Variants in SNTG2 observed in about 807,000 individuals in gnomAD.
SNTG2 encodes gamma-2-syntrophin.
SNTG2 carries 74 observed loss-of-function variants against 70.9 expected under a neutral mutation model. That is an observed-to-expected ratio of 1.04 (90% CI 0.86 to 1.27). The LOEUF (loss-of-function observed/expected upper bound fraction) is 1.27. SNTG2 is among the 50% of genes most tolerant of loss of function. The pLI is 0.00. For synonymous variants in SNTG2, 278 were observed against 273.8 expected (o/e 1.02, Z -0.15); for missense variants, 717 against 690.7 (o/e 1.04, Z -0.43).
intron 14 of SNTG2, among the ~76,000 whole-genome samples, chr2:1,270,477 T>C (rs1678962306): frequency 6.6e-6 from 1 of 152,226 alleles, no homozygotes. Flanking sequence ...TCTTTTCCCT[T>C]TTATTTTACA....
chr2:1,290,835 T>C (rs991156961), intron 14 of SNTG2, among the ~76,000 whole-genome samples: 2 of 152,230 alleles, frequency 1.3e-5, no homozygotes, highest in African/African-American at 4.8e-5. Flanking sequence ...GTCTCTGCTT[T>C]CAGTTATTCT....
chr2:1,280,844 T>C (rs1272651516), intron 14 of SNTG2, among the ~76,000 whole-genome samples: 3 of 152,266 alleles, frequency 2.0e-5, no homozygotes, highest in Non-Finnish European at 2.9e-5. Context: ...ATTGTGTAAT[T>C]ATAGAAACTT....
At chr2:1,286,381 T>A (rs560825665) in intron 14 of SNTG2, among the ~76,000 whole-genome samples, 1 of 152,318 alleles carries the variant, frequency 6.6e-6, no homozygotes, top group South Asian at 2.1e-4. Context: ...TATTGTCACC[T>A]AGTTGGCATT....
At chr2:1,224,009 G>A (rs1675575164) in intron 9 of SNTG2, among the ~76,000 whole-genome samples, 1 of 150,334 alleles carries the variant, frequency 6.7e-6, no homozygotes, top group Admixed American at 6.6e-5. Flanking sequence ...AGGGTCAGGT[G>A]GTCAGTCTGG....
chr2:993,326 C>G (rs1661567707), intron 1 of SNTG2, among the ~76,000 whole-genome samples: 1 of 148,134 alleles, frequency 6.8e-6, no homozygotes, highest in Non-Finnish European at 1.5e-5. Flanking sequence ...ATTTCAAGTT[C>G]CATGCACATT....
At chr2:1,084,151 C>T (rs956572264) in intron 2 of SNTG2, among the ~76,000 whole-genome samples, 3 of 152,202 alleles carry the variant, frequency 2.0e-5, no homozygotes, top group African/African-American at 4.8e-5. Flanking sequence ...TCCATTCCTA[C>T]GTTCTAGGCT....
chr2:1,296,691 C>G (rs1270641015), intron 14 of SNTG2, among the ~76,000 whole-genome samples: 1 of 152,240 alleles, frequency 6.6e-6, no homozygotes, highest in African/African-American at 2.4e-5. Flanking sequence ...ATGACAGTCC[C>G]TGAGCAGCTC....
chr2:1,249,515 C>A (rs1020623966), intron 12 of SNTG2, among the ~76,000 whole-genome samples: 2 of 152,190 alleles, frequency 1.3e-5, no homozygotes, highest in Non-Finnish European at 2.9e-5. Flanking sequence ...AGGGAGTATA[C>A]TCTCTCTGGT....
chr2:1,288,620 C>T (rs1281144931), intron 14 of SNTG2, among the ~76,000 whole-genome samples: 1 of 151,188 alleles, frequency 6.6e-6, no homozygotes, highest in African/African-American at 2.4e-5. Flanking sequence ...AGCATACATA[C>T]ACATGGGCAC....
At chr2:1,251,494 C>T (rs1055927521) in intron 12 of SNTG2, among the ~76,000 whole-genome samples, 2 of 148,504 alleles carry the variant, frequency 1.3e-5, no homozygotes, top group African/African-American at 5.0e-5. Context: ...ACACCACACG[C>T]ACACCACATG....
At chr2:1,188,274 A>G (rs1213281801) in intron 8 of SNTG2, among the ~76,000 whole-genome samples, 1 of 152,238 alleles carries the variant, frequency 6.6e-6, no homozygotes, top group Non-Finnish European at 1.5e-5. Context: ...GATAAATAAA[A>G]TGAAAAAGAA....
At chr2:1,156,279 TTAGA>T (rs1168280065) in intron 6 of SNTG2, among the ~76,000 whole-genome samples, 10 of 152,096 alleles carry the variant, frequency 6.6e-5, no homozygotes, top group African/African-American at 2.2e-4. Flanking sequence ...TCCTGTGGCC[TTAGA>T]TAGATCGAGG....
At chr2:1,279,661 G>A (rs1046481867) in intron 14 of SNTG2, among the ~76,000 whole-genome samples, 64 of 152,144 alleles carry the variant, frequency 4.2e-4, no homozygotes, top group African/African-American at 1.4e-3. Context: ...GATGTGCTGC[G>A]TGCTTTTTGC....
intron 9 of SNTG2, among the ~76,000 whole-genome samples, chr2:1,221,459 GTCTCTGTCTCTCTGTCTCTC>G (rs1558548736): frequency 5.2e-5 from 5 of 96,024 alleles, no homozygotes; most frequent in African/African-American, 9.6e-5. Context: ...GTCTCTCTCT[GTCTCTGTCTCTCTGTCTCTC>G]TCTCTCTCTG....
At chr2:1,113,256 G>C (rs1251816438) in intron 4 of SNTG2, among the ~76,000 whole-genome samples, 3 of 149,836 alleles carry the variant, frequency 2.0e-5, no homozygotes, top group Non-Finnish European at 2.9e-5. Flanking sequence ...TGTGTACTAA[G>C]TGAGGTTTAA....
chr2:1,223,750 G>A (rs1675537665), intron 9 of SNTG2, among the ~76,000 whole-genome samples: 1 of 152,126 alleles, frequency 6.6e-6, no homozygotes, highest in Non-Finnish European at 1.5e-5. Flanking sequence ...GACCTTCAGG[G>A]TGTACATGAC....
At chr2:1,034,130 C>T (rs1661000002) in intron 1 of SNTG2, among the ~76,000 whole-genome samples, 1 of 151,918 alleles carries the variant, frequency 6.6e-6, no homozygotes, top group Non-Finnish European at 1.5e-5. Context: ...TCTTCTCCCT[C>T]CTCTTACCCT....
intron 9 of SNTG2, among the ~76,000 whole-genome samples, chr2:1,234,653 C>T (rs539464609): frequency 6.6e-6 from 1 of 152,306 alleles, no homozygotes; most frequent in South Asian, 2.1e-4. Flanking sequence ...CAGGACACAG[C>T]CGTCTGCCCC....
intron 11 of SNTG2, among the ~76,000 whole-genome samples, chr2:1,245,184 G>A (rs28636002): frequency 0.29 from 42,088 of 146,500 alleles, 6,920 homozygotes; most frequent in African/African-American, 0.43. Flanking sequence ...TGACACGTTA[G>A]TGGGTGCAGC....
Sources: allele counts gnomAD v4.1 joint callset (sites outside exome capture counted in the v4.1 genomes callset), GRCh38; gene constraint gnomAD v4.1.1; transcripts MANE v1.5; gene names NCBI Gene and HGNC (gene_info 2026-07-23, HGNC 2026-07-21).